The following PKIB variants were observed in gnomAD, a reference collection of about 807,000 sequenced individuals.
PKIB encodes the protein cAMP-dependent protein kinase inhibitor beta.
Under a neutral mutation model 4.5 loss-of-function variants are expected in PKIB, and 2 were observed. The ratio of observed to expected loss-of-function variants is 0.44; its 90% CI spans 0.18 to 1.39. The LOEUF (loss-of-function observed/expected upper bound fraction) is 1.39. Among genes scored for constraint, PKIB ranks in the 40% most tolerant of loss-of-function variants. PKIB has a pLI of 0.27. For synonymous variants in PKIB, 38 were observed against 36.0 expected, an observed-to-expected ratio of 1.06 and a Z score of -0.20; for missense variants, 94 against 92.6, an observed-to-expected ratio of 1.02 and a Z score of -0.06.
chr6:122,656,916 C>A (rs1776796098), intron 2 of PKIB, among the ~76,000 whole-genome samples: 1 of 152,148 alleles, frequency 6.6e-6, no homozygotes, highest in African/African-American at 2.4e-5. Context: ...CTTAAGTTCT[C>A]ATTATTATCT....
chr6:122,703,703 T>A (rs1296025583), intron 3 of PKIB, among the ~76,000 whole-genome samples: 1 of 151,654 alleles, frequency 6.6e-6, no homozygotes, highest in Admixed American at 6.6e-5. Context: ...TCTAATACAC[T>A]TATGATGCAG....
intron 2 of PKIB, among the ~76,000 whole-genome samples, chr6:122,645,527 G>T (rs1008297092): frequency 6.6e-6 from 1 of 152,166 alleles, no homozygotes; most frequent in African/African-American, 2.4e-5. Context: ...GGTGGGTTGT[G>T]GTGACACAGA....
At chr6:122,491,567 C>T (rs1416672180) in intron 2 of PKIB, among the ~76,000 whole-genome samples, 1 of 152,118 alleles carries the variant, frequency 6.6e-6, no homozygotes, top group Admixed American at 6.5e-5. Flanking sequence ...CTAGAAGGGA[C>T]GTGTGGCCTT....
intron 2 of PKIB, among the ~76,000 whole-genome samples, chr6:122,532,314 T>C (rs1777283047): frequency 6.6e-6 from 1 of 152,234 alleles, no homozygotes; most frequent in South Asian, 2.1e-4. Flanking sequence ...GTTTATTTAA[T>C]ACTTTATTAA....
At chr6:122,542,052 C>T (rs1562245100) in intron 2 of PKIB, among the ~76,000 whole-genome samples, 1 of 151,992 alleles carries the variant, frequency 6.6e-6, no homozygotes, top group Non-Finnish European at 1.5e-5. Flanking sequence ...TTAAGGACTT[C>T]TCTGCGTTGG....
At chr6:122,702,736 A>G (rs796412824) in intron 3 of PKIB, among the ~76,000 whole-genome samples, 5 of 152,316 alleles carry the variant, frequency 3.3e-5, no homozygotes, top group Admixed American at 1.3e-4. Flanking sequence ...ATCAGAGTAT[A>G]AAGAATTTAA....
At chr6:122,554,864 C>G (rs1321279800) in intron 2 of PKIB, among the ~76,000 whole-genome samples, 2 of 152,112 alleles carry the variant, frequency 1.3e-5, no homozygotes, top group Non-Finnish European at 2.9e-5. Context: ...CTATTAGTAA[C>G]TTTAGATAAT....
At chr6:122,667,404 G>A (rs568449801) in intron 2 of PKIB, among the ~76,000 whole-genome samples, 18 of 152,236 alleles carry the variant, frequency 1.2e-4, no homozygotes, top group African/African-American at 4.1e-4. Context: ...GGGCGTGGTG[G>A]CGGGCGCCTG....
chr6:122,613,886 C>A (rs959879778), intron 1 of PKIB, among the ~76,000 whole-genome samples: 3 of 147,184 alleles, frequency 2.0e-5, no homozygotes, highest in African/African-American at 5.0e-5. Context: ...TCGCTTGAAC[C>A]CAGGAGGCAG....
intron 2 of PKIB, among the ~76,000 whole-genome samples, chr6:122,516,857 AT>A (rs1776770838): frequency 6.6e-6 from 1 of 152,168 alleles, no homozygotes; most frequent in South Asian, 2.1e-4. Context: ...ATATGGACAT[AT>A]TGGAAGCTTT....
chr6:122,555,294 G>A (rs140068239), intron 2 of PKIB, among the ~76,000 whole-genome samples: 14 of 152,236 alleles, frequency 9.2e-5, no homozygotes, highest in Admixed American at 1.3e-4. Context: ...TACAAAGACT[G>A]GAAATTAAGA....
intron 2 of PKIB, among the ~76,000 whole-genome samples, chr6:122,508,868 A>G (rs1219375464): frequency 6.6e-6 from 1 of 151,796 alleles, no homozygotes; most frequent in Non-Finnish European, 1.5e-5. Context: ...CTCCTGCCTC[A>G]GCGTCCCGAG....
chr6:122,722,402 T>C (rs1779780856), intron 4 of PKIB, among the ~76,000 whole-genome samples: 1 of 152,150 alleles, frequency 6.6e-6, no homozygotes. Flanking sequence ...TTAGTTTTCA[T>C]CTAATTATTA....
intron 4 of PKIB, among the ~76,000 whole-genome samples, chr6:122,722,150 C>A (rs1351048189): frequency 3.9e-5 from 6 of 152,114 alleles, no homozygotes; most frequent in Non-Finnish European, 8.8e-5. Context: ...ATTTTCCTTT[C>A]ATTAACATCA....
At chr6:122,571,780 T>A (rs1773373801) in intron 2 of PKIB, among the ~76,000 whole-genome samples, 1 of 152,166 alleles carries the variant, frequency 6.6e-6, no homozygotes, top group African/African-American at 2.4e-5. Flanking sequence ...AAATGGAACC[T>A]CCTTAAAGCA....
At chr6:122,505,376 C>A (rs1273231756) in intron 2 of PKIB, among the ~76,000 whole-genome samples, 1 of 152,190 alleles carries the variant, frequency 6.6e-6, no homozygotes, top group East Asian at 1.9e-4. Context: ...ACAGGCACCC[C>A]ACAAGCCCTT....
At chr6:122,578,145 C>A (rs1773603644) in intron 2 of PKIB, among the ~76,000 whole-genome samples, 1 of 151,760 alleles carries the variant, frequency 6.6e-6, no homozygotes, top group Non-Finnish European at 1.5e-5. Context: ...ATAGAAATGT[C>A]CAGGAAGATG....
intron 2 of PKIB, chr6:122,531,242 C>A (rs1223611918): frequency 6.6e-6 from 1 of 152,094 alleles, no homozygotes; most frequent in African/African-American, 2.4e-5. Flanking sequence ...AAATTAGTTT[C>A]TGCTGCCCCG....
In PKIB at chr6:122,724,987, G is replaced by A. The variant is rs111433990; in HGVS notation, c.170-141G>A. On this transcript the variant is annotated intron_variant, in intron 4 of 4. Coordinates refer to ENST00000368452, the MANE Select transcript of PKIB (RefSeq NM_181795.3). ...GTAGATTCCCAAACCTACTCATATC[G>A]CTCTTCTTTGTATAGTTTCCATATC... 1,417 of 631,166 alleles carry A rather than the reference G, an allele frequency of 2.2e-3. 13 individuals carry two copies. Among genetic ancestry groups the A allele is most frequent in the African/African-American group, 0.022 (1,207 of 54,220 alleles). The allele number at this position is 631,166 out of a possible 1,614,324, so 39.1% of individuals were successfully genotyped here. A position where few individuals can be genotyped will look rare whatever the true frequency, so the allele number is the denominator to read the frequency against.
Sources: allele counts gnomAD v4.1 joint callset (sites outside exome capture counted in the v4.1 genomes callset), GRCh38; gene constraint gnomAD v4.1.1; transcripts MANE v1.5; gene names NCBI Gene and HGNC (gene_info 2026-07-23, HGNC 2026-07-21).